MYO3B: variants seen among roughly 807,000 people sequenced by gnomAD.
The protein encoded by MYO3B is myosin-IIIb.
In MYO3B, 156 loss-of-function variants were observed where a neutral mutation model predicts 174.6. The observed-to-expected ratio is 0.89, with a 90% CI of 0.78 to 1.02. The LOEUF is 1.02. Ranked by LOEUF, MYO3B falls within the 50% of genes least tolerant of loss-of-function variation. The probability of loss-of-function intolerance (pLI) is 0.00; values close to 1 mark genes in which losing one functional copy is unlikely to be tolerated. For missense variants in MYO3B, 1,632 were observed against 1,639.4 expected (o/e 1.00, Z 0.08); for synonymous variants, 563 against 569.1 (o/e 0.99, Z 0.15).
At chr2:170,502,843 C>T (rs1049651637) in intron 28 of MYO3B, among the ~76,000 whole-genome samples, 34 of 152,364 alleles carry the variant, frequency 2.2e-4, no homozygotes, top group African/African-American at 8.2e-4. Flanking sequence ...CTCCTCGGAA[C>T]CTGGCTCCAA....
intron 32 of MYO3B, among the ~76,000 whole-genome samples, chr2:170,610,091 C>A (rs1393729820): frequency 6.6e-6 from 1 of 152,230 alleles, no homozygotes; most frequent in Non-Finnish European, 1.5e-5. Flanking sequence ...AATCCCAGCA[C>A]TTTAGGAGGC....
At chr2:170,273,867 T>C (rs2093443145) in intron 7 of MYO3B, among the ~76,000 whole-genome samples, 1 of 152,154 alleles carries the variant, frequency 6.6e-6, no homozygotes, top group African/African-American at 2.4e-5. Context: ...CCCTGGCTAT[T>C]AATGAGAGGC....
At chr2:170,608,461 G>T (rs1209349751) in intron 32 of MYO3B, among the ~76,000 whole-genome samples, 1 of 152,092 alleles carries the variant, frequency 6.6e-6, no homozygotes, top group Non-Finnish European at 1.5e-5. Context: ...GATCCAAAAG[G>T]CAACCAAGAG....
rs181382689 is a variant in MYO3B at position 170,526,167 on chromosome 2, T to A, written c.3575+6627T>A. On this transcript the variant is annotated intron_variant, in intron 30 of 34. Transcript: ENST00000408978. ...TGAATTACTTACGAGCTATGAGACA[T>A]TGGACAAGTTCCTTCCTCTCTCTGA... is the stretch of plus-strand genomic sequence containing the variant. Among the ~76,000 whole-genome samples, 11 of 152,294 alleles carry A rather than the reference T, an allele frequency of 7.2e-5. No homozygotes were observed. In the East Asian group the frequency reaches 1.9e-3, roughly 27 times the overall value.
At chr2:170,179,066 C>A (rs1232169906) in intron 1 of MYO3B, among the ~76,000 whole-genome samples, 1 of 152,126 alleles carries the variant, frequency 6.6e-6, no homozygotes, top group East Asian at 1.9e-4. Context: ...CTGTCAAATG[C>A]CAGTCCTGAG....
At chr2:170,179,087 G>A (rs952875131) in intron 1 of MYO3B, among the ~76,000 whole-genome samples, 4 of 152,112 alleles carry the variant, frequency 2.6e-5, no homozygotes, top group African/African-American at 4.8e-5. Context: ...TGTCTCCCCT[G>A]GAGCATCAGG....
At chr2:170,592,438 G>C (rs893028601) in intron 32 of MYO3B, among the ~76,000 whole-genome samples, 1 of 152,160 alleles carries the variant, frequency 6.6e-6, no homozygotes, top group Admixed American at 6.6e-5. Context: ...AGAAAGATTA[G>C]AAAGCCTCCC....
At position 170,217,387 on chromosome 2, in the gene MYO3B, G is replaced by T. The variant is rs1486289697; in HGVS notation, c.595G>T (p.Ala199Ser). ...NTSVGTPFWMAPEVIACEQQY... is the reference protein window; with the variant it reads ...NTSVGTPFWMSPEVIACEQQY... ...ATCTGTTGGCACCCCGTTCTGGATG[G>T]CCCCTGAGGTAAGCTGGAAATACCT... is the stretch of plus-strand genomic sequence containing the variant. The change falls in exon 6 of 35, where the codon GCC becomes TCC. Residue 199 changes from alanine (A) to serine (S), a missense_variant. Ala to Ser is a moderately conservative substitution (Grantham distance 99). Coordinates refer to ENST00000408978, the MANE Select transcript of MYO3B (RefSeq NM_138995.5). 9 of 1,613,624 alleles carry T rather than the reference G, an allele frequency of 5.6e-6. No individual in the cohort carries two copies. Among genetic ancestry groups the T allele is most frequent in the Non-Finnish European group, 7.6e-6 (9 of 1,179,646 alleles).
At chr2:170,188,768 C>T (rs1405687930) in intron 1 of MYO3B, among the ~76,000 whole-genome samples, 1 of 152,112 alleles carries the variant, frequency 6.6e-6, no homozygotes, top group African/African-American at 2.4e-5. Context: ...TTAACTTCAT[C>T]TCCCTGCTTT....
chr2:170,496,056 G>A (rs940022239), intron 25 of MYO3B, among the ~76,000 whole-genome samples: 11 of 152,200 alleles, frequency 7.2e-5, no homozygotes, highest in African/African-American at 2.4e-4. Flanking sequence ...TATCTGCTAT[G>A]AGCAGGTTCC....
chr2:170,601,897 G>T (rs1197175740), intron 32 of MYO3B: 3 of 841,622 alleles, frequency 3.6e-6, no homozygotes, highest in East Asian at 4.8e-5. Context: ...TTTGATTTTT[G>T]GGCAATACTC....
At chr2:170,246,782 ACTAT>A (rs911914596) in intron 7 of MYO3B, among the ~76,000 whole-genome samples, 18 of 152,038 alleles carry the variant, frequency 1.2e-4, no homozygotes, top group Admixed American at 8.5e-4. Flanking sequence ...TAGTACAGTG[ACTAT>A]CTAGTTTGGA....
intron 8 of MYO3B, among the ~76,000 whole-genome samples, chr2:170,363,420 T>G (rs2105656303): frequency 6.6e-6 from 1 of 152,218 alleles, no homozygotes; most frequent in South Asian, 2.1e-4. Context: ...GGCATCCGGT[T>G]TTTTGGTTAT....
chr2:170,591,016 T>C (rs559904572), intron 32 of MYO3B, among the ~76,000 whole-genome samples: 1 of 152,176 alleles, frequency 6.6e-6, no homozygotes, highest in Non-Finnish European at 1.5e-5. Flanking sequence ...AAAAAGGACA[T>C]AATAACAGAT....
chr2:170,481,099 T>C (rs1290457998), intron 25 of MYO3B, among the ~76,000 whole-genome samples: 1 of 152,226 alleles, frequency 6.6e-6, no homozygotes, highest in African/African-American at 2.4e-5. Context: ...ACTTCAATTT[T>C]CAATGAGTAA....
chr2:170,541,899 C>T (rs1690136418), intron 30 of MYO3B, among the ~76,000 whole-genome samples: 1 of 151,990 alleles, frequency 6.6e-6, no homozygotes, highest in Non-Finnish European at 1.5e-5. Context: ...TTTAAATGGG[C>T]ATATTGCTTA....
intron 32 of MYO3B, among the ~76,000 whole-genome samples, chr2:170,604,927 C>T (rs79327815): frequency 2.6e-5 from 4 of 152,164 alleles, no homozygotes; most frequent in Non-Finnish European, 4.4e-5. Context: ...CACAGTCTCT[C>T]TTTAACATAA....
rs2094475614 is a variant in MYO3B, at chr2:170,401,512, G to A, written c.1950G>A (p.Glu650=). ...CTGTTCTGTGCATTAGCCCTGAAGA[G>A]CTCCAGGAGGCCCTCACCTCCCACT... ...AASVLCISPE[E]LQEALTSHCV... The change falls in exon 18 of 35, where the codon GAG becomes GAA. Residue 650 remains glutamate (E), a synonymous_variant. Transcript: ENST00000408978. 1 of 1,614,088 alleles carries A rather than the reference G, an allele frequency of 6.2e-7. No individual in the cohort carries two copies. The highest frequency in any genetic ancestry group is 8.5e-7 in the Non-Finnish European group (1 of 1,179,980).
rs781337690 is a variant in MYO3B at position 170,651,666 on chromosome 2, C to T, written c.3772C>T (p.Arg1258Cys). 1.1e-5 allele frequency: 18 copies of T among 1,614,092 alleles called. No individual in the cohort carries two copies. The highest frequency in any genetic ancestry group is 3.3e-4 in the Middle Eastern group (2 of 6,062). The change falls in exon 33 of 35, where the codon CGC becomes TGC. Residue 1258 changes from arginine to cysteine, a missense_variant. Arg to Cys is a radical substitution (Grantham distance 180). Transcript: ENST00000408978. ...TCTTGCACAGAAGCATCGAACACCTCGCCGACGATGTCAGCAGCCCAAAAT... is the reference window on the plus strand; with the variant it reads ...TCTTGCACAGAAGCATCGAACACCTTGCCGACGATGTCAGCAGCCCAAAAT... ...NGLAQKHRTP[R>C]RRCQQPKMLS...
Sources: gnomAD v4.1 joint callset for allele counts (sites outside exome capture counted in the v4.1 genomes callset) on GRCh38, gnomAD v4.1.1 for gene constraint, MANE v1.5 for transcripts, NCBI Gene and HGNC (gene_info 2026-07-23, HGNC 2026-07-21) for gene names.